SREK1: variants seen among roughly 807,000 people sequenced by gnomAD.
SREK1 encodes splicing regulatory glutamine/lysine-rich protein 1.
Under a neutral mutation model 66.5 loss-of-function variants are expected in SREK1, and 13 were observed. The observed-to-expected ratio is 0.20, with a 90% CI of 0.13 to 0.31. The LOEUF (loss-of-function observed/expected upper bound fraction) is 0.31. Ranked by LOEUF, SREK1 falls within the 10% of genes least tolerant of loss-of-function variation. The pLI is 1.00. For missense variants in SREK1, 607 were observed against 769.6 expected (o/e 0.79, Z 2.50); for synonymous variants, 265 against 263.5 (o/e 1.01, Z -0.05).
chr5:66,145,481 ATT>A (rs1743100875), intron 1 of SREK1, among the ~76,000 whole-genome samples: 1 of 152,210 alleles, frequency 6.6e-6, no homozygotes, highest in South Asian at 2.1e-4. Context: ...CTTTAAAAAA[ATT>A]TTGATTTATT....
chr5:66,171,896 T>G (rs1038757025), intron 9 of SREK1, among the ~76,000 whole-genome samples: 3 of 150,918 alleles, frequency 2.0e-5, no homozygotes, highest in African/African-American at 7.5e-5. Flanking sequence ...GGGAGAAGAT[T>G]ATTATCATCA....
intron 9 of SREK1, among the ~76,000 whole-genome samples, chr5:66,174,192 TTC>T (rs1225163068): frequency 1.3e-5 from 2 of 152,158 alleles, no homozygotes; most frequent in African/African-American, 4.8e-5. Context: ...AGTTCATTGT[TTC>T]TGAGTTGAAG....
In SREK1 at chr5:66,144,466, G is replaced by T; in HGVS notation, c.90G>T (p.Val30=). ...VIQVTNLSSA[V]TSEQMRTLFS... ...AGGTGACGAATCTGTCGTCGGCGGT[G>T]ACCAGCGAGCAGATGCGGACGCTTT... The change falls in exon 1 of 12, where the codon GTG becomes GTT. Residue 30 remains valine, a synonymous_variant. Coordinates refer to ENST00000334121, the MANE Select transcript of SREK1 (RefSeq NM_001077199.3). 6.4e-7 allele frequency: 1 copy of T among 1,552,752 alleles called. No individual in the cohort carries two copies. Among genetic ancestry groups the T allele is most frequent in the South Asian group, 1.2e-5 (1 of 84,118 alleles).
chr5:66,153,729 G>A (rs1196021444), intron 2 of SREK1, 133 bp downstream of exon 2: 2 of 1,173,278 alleles, frequency 1.7e-6, no homozygotes, highest in Admixed American at 5.1e-5. Flanking sequence ...TTTGGAGGAG[G>A]TAAACCTTTT....
Position 66,180,916 on chromosome 5 carries a change from T to C in SREK1, c.*2048T>C, listed in dbSNP as rs1458191149. ...TTTGTTTATGCATTTCAAAAAAGCA[T>C]TTTAGTTTTATCCTGCTCATTTTAG... On this transcript the variant is annotated 3_prime_UTR_variant, in exon 12 of 12. Transcript: ENST00000334121. 2.0e-5 allele frequency: 3 copies of C among 152,416 alleles called. No homozygotes were observed. The highest frequency in any genetic ancestry group is 4.4e-5 in the Non-Finnish European group (3 of 68,024). 9.4% of individuals were successfully genotyped at this position (152,416 alleles called of 1,614,324 possible). A position where few individuals can be genotyped will look rare whatever the true frequency, so the allele number is the denominator to read the frequency against.
intron 2 of SREK1, chr5:66,156,924 T>C: frequency 2.0e-6 from 2 of 985,054 alleles, no homozygotes; most frequent in Non-Finnish European, 2.4e-6. Context: ...AGAGATGTTT[T>C]CCTCAGTTGA....
intron 1 of SREK1, chr5:66,144,919 A>G: frequency 1.0e-6 from 1 of 995,290 alleles, no homozygotes; most frequent in Non-Finnish European, 1.2e-6. Context: ...TTCCACTCTG[A>G]AAATCGCGGA....
intron 2 of SREK1, 40 bp downstream of exon 2, chr5:66,153,636 T>G: frequency 6.2e-7 from 1 of 1,613,604 alleles, no homozygotes; most frequent in Non-Finnish European, 8.5e-7. Context: ...TGAATTTCTG[T>G]CCTGTCTGTT....
rs1203016746 is a variant in SREK1 at position 66,182,514 on chromosome 5, G to T, written c.*3646G>T. On this transcript the variant is annotated 3_prime_UTR_variant, in exon 12 of 12. Coordinates refer to ENST00000334121, the MANE Select transcript of SREK1 (RefSeq NM_001077199.3). Reference sequence around the variant, plus strand: ...TAATCTTGGGTTTGTGGGTGAGTTTGTTTTTAGTACACTCTTATTGGTGGT... The same window carrying T: ...TAATCTTGGGTTTGTGGGTGAGTTTTTTTTTAGTACACTCTTATTGGTGGT... 6.6e-6 allele frequency: 1 copy of T among 152,034 alleles called. No individual in the cohort carries two copies. The highest frequency in any genetic ancestry group is 2.4e-5 in the African/African-American group (1 of 41,410). 9.4% of individuals were successfully genotyped at this position (152,034 alleles called of 1,614,324 possible). A position where few individuals can be genotyped will look rare whatever the true frequency, so the allele number is the denominator to read the frequency against.
intron 7 of SREK1, chr5:66,167,836 A>G (rs1157825262): frequency 6.6e-6 from 1 of 152,246 alleles, no homozygotes; most frequent in Non-Finnish European, 1.5e-5. Flanking sequence ...AGGACAACTT[A>G]AAACAGAAAT....
intron 9 of SREK1, chr5:66,174,501 T>C (rs1461173533): frequency 6.6e-6 from 1 of 152,532 alleles, no homozygotes; most frequent in Non-Finnish European, 1.5e-5. Context: ...CCAGTTTATG[T>C]TTCAGTTTTT....
At chr5:66,163,287 C>G (rs1744913008) in intron 5 of SREK1, 1 of 152,932 alleles carries the variant, frequency 6.5e-6, no homozygotes, top group African/African-American at 2.4e-5. Context: ...AGAGAAGTCA[C>G]TCTTACCTAG....
rs942043449 is a variant in SREK1, at chr5:66,179,646, A to T, written c.*778A>T. On this transcript the variant is annotated 3_prime_UTR_variant, in exon 12 of 12. Coordinates refer to ENST00000334121, the MANE Select transcript of SREK1 (RefSeq NM_001077199.3). ...AAATTTTCTTGACATTTCCAAGCTTATTATGAATAATATTGCAGTGTGTCT... is the reference window on the plus strand; with the variant it reads ...AAATTTTCTTGACATTTCCAAGCTTTTTATGAATAATATTGCAGTGTGTCT... 2 of 152,522 alleles carry T rather than the reference A, an allele frequency of 1.3e-5. No individual in the cohort carries two copies. Among genetic ancestry groups the T allele is most frequent in the African/African-American group, 4.8e-5 (2 of 41,446 alleles). 9.4% of individuals were successfully genotyped at this position (152,522 alleles called of 1,614,324 possible). A position where few individuals can be genotyped will look rare whatever the true frequency, so the allele number is the denominator to read the frequency against.
chr5:66,168,987 C>T (rs1341255271), intron 7 of SREK1: 1 of 152,128 alleles, frequency 6.6e-6, no homozygotes, highest in Non-Finnish European at 1.5e-5. Context: ...GAAACTCAGG[C>T]TTGGAGAGGT....
chr5:66,170,522 G>C, intron 8 of SREK1, 63 bp from the exon 9 acceptor site: 1 of 1,520,440 alleles, frequency 6.6e-7, no homozygotes, highest in Non-Finnish European at 8.8e-7. Flanking sequence ...TGAAGAGAGA[G>C]AGGTCTTTTT....
At chr5:66,169,248 T>G (rs1448578371) in intron 7 of SREK1, 1 of 152,258 alleles carries the variant, frequency 6.6e-6, no homozygotes, top group Non-Finnish European at 1.5e-5. Flanking sequence ...AATTAAACGT[T>G]TCCTGCAGTT....
chr5:66,163,889 G>A lies in SREK1; in HGVS notation c.853G>A (p.Ala285Thr). ...AGAAGTAATGAAGCGAGTACGAGAA[G>A]CTCAGTCATTTATCTCAGCAGCTAT... is the stretch of plus-strand genomic sequence containing the variant. ...LEEVMKRVRE[A>T]QSFISAAIEP... Residue 285 changes from alanine to threonine, a missense_variant, in exon 6 of 12, where the codon GCT becomes ACT. Coordinates refer to ENST00000334121, the MANE Select transcript of SREK1 (RefSeq NM_001077199.3). 1 of 1,613,692 alleles carries A rather than the reference G, an allele frequency of 6.2e-7. No individual in the cohort carries two copies. Among genetic ancestry groups the A allele is most frequent in the Non-Finnish European group, 8.5e-7 (1 of 1,179,658 alleles).
Position 66,181,111 on chromosome 5 carries a change from A to G in SREK1, c.*2243A>G, listed in dbSNP as rs908828315. Reference sequence around the variant, plus strand: ...GCTGCTAATTATTTTCTCTGCTGATATTTATTAAGCTTTAAAATAATCGTA... The same window carrying G: ...GCTGCTAATTATTTTCTCTGCTGATGTTTATTAAGCTTTAAAATAATCGTA... On this transcript the variant is annotated 3_prime_UTR_variant, in exon 12 of 12. Coordinates refer to ENST00000334121, the MANE Select transcript of SREK1 (RefSeq NM_001077199.3). The G allele has an allele frequency of 2.0e-5, 3 of 152,220 alleles. No homozygotes were observed. The highest frequency in any genetic ancestry group is 4.4e-5 in the Non-Finnish European group (3 of 68,040). The allele number at this position is 152,220 out of a possible 1,614,324, so 9.4% of individuals were successfully genotyped here. A position where few individuals can be genotyped will look rare whatever the true frequency, so the allele number is the denominator to read the frequency against.
At chr5:66,162,361 A>G in intron 4 of SREK1, 53 bp from the exon 5 acceptor site, 2 of 1,605,112 alleles carry the variant, frequency 1.2e-6, no homozygotes, top group Non-Finnish European at 1.7e-6. Flanking sequence ...AGTAATATTT[A>G]TCTGATTTTT....
Sources: gnomAD v4.1 joint callset for allele counts (sites outside exome capture counted in the v4.1 genomes callset) on GRCh38, gnomAD v4.1.1 for gene constraint, MANE v1.5 for transcripts, NCBI Gene and HGNC (gene_info 2026-07-23, HGNC 2026-07-21) for gene names.